Variants in GRIA4 observed in about 807,000 individuals in gnomAD.
GRIA4 encodes the protein glutamate receptor 4.
In GRIA4, 34 loss-of-function variants were observed where a neutral mutation model predicts 104.0. That is an observed-to-expected ratio of 0.33 (90% CI 0.25 to 0.44). GRIA4 has a LOEUF of 0.44. Among genes scored for constraint, GRIA4 ranks in the 20% least tolerant of loss-of-function variants. GRIA4 has a pLI of 1.00. For missense variants in GRIA4, 750 were observed against 1,096.5 expected, an observed-to-expected ratio of 0.68 and a Z score of 4.46; for synonymous variants, 386 against 381.9, an observed-to-expected ratio of 1.01 and a Z score of -0.13.
chr11:105,857,229 G>A (rs1045101248), intron 4 of GRIA4, among the ~76,000 whole-genome samples: 1 of 152,060 alleles, frequency 6.6e-6, no homozygotes, highest in South Asian at 2.1e-4. Flanking sequence ...TAAATGCAGT[G>A]AGGATTACAG....
chr11:105,959,595 CCTT>C (rs1453493987), intron 14 of GRIA4, among the ~76,000 whole-genome samples: 1 of 152,160 alleles, frequency 6.6e-6, no homozygotes, highest in Admixed American at 6.5e-5. Context: ...TCTGAAGACT[CCTT>C]CCGTCAGTTC....
chr11:105,725,422 T>G (rs1413244383), intron 3 of GRIA4, among the ~76,000 whole-genome samples: 1 of 152,092 alleles, frequency 6.6e-6, no homozygotes, highest in Admixed American at 6.6e-5. Flanking sequence ...GCCTTGCACA[T>G]AGCATACAGA....
At chr11:105,657,688 C>T (rs1591515777) in intron 3 of GRIA4, among the ~76,000 whole-genome samples, 1 of 151,912 alleles carries the variant, frequency 6.6e-6, no homozygotes, top group East Asian at 1.9e-4. Flanking sequence ...TCTCTGATTG[C>T]TACAACACTT....
Position 105,933,772 on chromosome 11 carries a change from A to G in GRIA4, c.2097A>G (p.Ala699=), listed in dbSNP as rs1947952626. The G allele has an allele frequency of 6.2e-7, 1 of 1,610,066 alleles. No individual in the cohort carries two copies. The highest frequency in any genetic ancestry group is 1.3e-5 in the African/African-American group (1 of 74,858). ...AGATGTGGACCTACATGCGATCAGC[A>G]GAGCCATCAGTATTCACTAGGACTA... ...YEKMWTYMRS[A]EPSVFTRTTA... is the part of the protein sequence containing the mutation. The change falls in exon 14 of 17, where the codon GCA becomes GCG. Residue 699 remains alanine, a synonymous_variant. Coordinates refer to ENST00000282499, the MANE Select transcript of GRIA4 (RefSeq NM_000829.4).
At chr11:105,779,974 T>A (rs1051112275) in intron 4 of GRIA4, among the ~76,000 whole-genome samples, 1 of 152,146 alleles carries the variant, frequency 6.6e-6, no homozygotes, top group South Asian at 2.1e-4. Context: ...ACTAGAGGAA[T>A]TGCTTTAAAG....
At chr11:105,820,725 T>G (rs996399758) in intron 4 of GRIA4, among the ~76,000 whole-genome samples, 1 of 152,136 alleles carries the variant, frequency 6.6e-6, no homozygotes, top group Non-Finnish European at 1.5e-5. Context: ...ATTCATAGTC[T>G]ATAGCATTCT....
chr11:105,955,720 AT>A (rs574176439), intron 14 of GRIA4, among the ~76,000 whole-genome samples: 33 of 152,296 alleles, frequency 2.2e-4, no homozygotes, highest in Admixed American at 4.6e-4. Flanking sequence ...GGTTAGACTA[AT>A]TTAAATTCCC....
intron 14 of GRIA4, among the ~76,000 whole-genome samples, chr11:105,955,746 A>G (rs1326932008): frequency 2.6e-5 from 4 of 152,208 alleles, no homozygotes; most frequent in African/African-American, 9.7e-5. Context: ...ACAGTATAAA[A>G]GCATTCCTAT....
intron 3 of GRIA4, among the ~76,000 whole-genome samples, chr11:105,656,539 A>T: frequency 6.6e-6 from 1 of 152,168 alleles, no homozygotes; most frequent in East Asian, 1.9e-4. Context: ...TAATTAAACT[A>T]AAGAGCTTCT....
chr11:105,785,712 G>T (rs1033184895), intron 4 of GRIA4, among the ~76,000 whole-genome samples: 3 of 152,092 alleles, frequency 2.0e-5, no homozygotes, highest in Non-Finnish European at 2.9e-5. Flanking sequence ...TTTCTAAACT[G>T]ATATTATCTG....
chr11:105,918,681 C>A, intron 10 of GRIA4, 31 bp from the exon 11 acceptor site: 1 of 1,045,000 alleles, frequency 9.6e-7, no homozygotes, highest in Non-Finnish European at 1.5e-6. Flanking sequence ...TTTATAATTT[C>A]TCCTTTACAG....
intron 5 of GRIA4, among the ~76,000 whole-genome samples, chr11:105,884,534 G>A (rs1565314499): frequency 6.6e-6 from 1 of 152,190 alleles, no homozygotes; most frequent in Non-Finnish European, 1.5e-5. Flanking sequence ...CAGCGTTTGT[G>A]CAGTACATTT....
intron 6 of GRIA4, 35 bp from the exon 7 acceptor site, chr11:105,898,234 C>A (rs748413426): frequency 8.7e-7 from 1 of 1,147,950 alleles, no homozygotes; most frequent in Non-Finnish European, 1.3e-6. Context: ...GTATAATAAA[C>A]TAAATTTAAC....
chr11:105,915,901 C>T (rs949044076), intron 10 of GRIA4, among the ~76,000 whole-genome samples: 8 of 152,030 alleles, frequency 5.3e-5, no homozygotes, highest in Non-Finnish European at 2.9e-5. Context: ...AATGTAGGGT[C>T]GGCCAAACTC....
intron 4 of GRIA4, among the ~76,000 whole-genome samples, chr11:105,799,832 A>G (rs1942639726): frequency 1.3e-5 from 2 of 152,110 alleles, no homozygotes; most frequent in Non-Finnish European, 2.9e-5. Context: ...CTAGGAACAT[A>G]GAGTACAGTT....
intron 3 of GRIA4, among the ~76,000 whole-genome samples, chr11:105,648,579 A>G (rs1951597526): frequency 6.6e-6 from 1 of 151,840 alleles, no homozygotes; most frequent in Non-Finnish European, 1.5e-5. Flanking sequence ...AAAGATATTA[A>G]TAAATGCAAA....
intron 3 of GRIA4, among the ~76,000 whole-genome samples, chr11:105,643,562 C>G (rs531110967): frequency 3.3e-5 from 5 of 152,286 alleles, no homozygotes; most frequent in African/African-American, 1.2e-4. Context: ...CTCTTTCGTT[C>G]CTGGTCTCCT....
At chr11:105,695,819 C>G (rs937689526) in intron 3 of GRIA4, among the ~76,000 whole-genome samples, 1 of 152,128 alleles carries the variant, frequency 6.6e-6, no homozygotes, top group Non-Finnish European at 1.5e-5. Flanking sequence ...GGAAGCCAAA[C>G]TCTAGAGGCT....
intron 3 of GRIA4, among the ~76,000 whole-genome samples, chr11:105,726,531 C>T (rs906978390): frequency 2.6e-5 from 4 of 152,196 alleles, no homozygotes; most frequent in African/African-American, 9.6e-5. Flanking sequence ...CAGCACAGCA[C>T]TAGAGCTCTG....
Sources: gnomAD v4.1 joint callset for allele counts (sites outside exome capture counted in the v4.1 genomes callset) on GRCh38, gnomAD v4.1.1 for gene constraint, MANE v1.5 for transcripts, NCBI Gene and HGNC (gene_info 2026-07-23, HGNC 2026-07-21) for gene names.